Variants in ADAM17 observed in about 807,000 individuals in gnomAD.
The protein encoded by ADAM17 is disintegrin and metalloproteinase domain-containing protein 17.
Under a neutral mutation model 96.7 loss-of-function variants are expected in ADAM17, and 39 were observed. That is an observed-to-expected ratio of 0.40 (90% CI 0.31 to 0.53). The LOEUF (loss-of-function observed/expected upper bound fraction) is 0.53. ADAM17 is among the 20% of genes least tolerant of loss of function. The pLI, the probability that ADAM17 is intolerant of heterozygous loss-of-function variation, is 0.44. For missense variants in ADAM17, 777 were observed against 1,013.2 expected (o/e 0.77, Z 3.17); for synonymous variants, 344 against 359.2 (o/e 0.96, Z 0.48).
chr2:9,535,077 T>C (rs563058425), intron 4 of ADAM17, among the ~76,000 whole-genome samples: 1 of 152,360 alleles, frequency 6.6e-6, no homozygotes, highest in Admixed American at 6.5e-5. Flanking sequence ...AACAGTCATG[T>C]AGATTGGATA....
Position 9,521,257 on chromosome 2 carries a change from T to C in ADAM17, c.903A>G (p.Ala301=), listed in dbSNP as rs371791651. The C allele has an allele frequency of 5.0e-6, 8 of 1,613,108 alleles. No homozygotes were observed. In the African/African-American group the frequency reaches 6.7e-5, roughly 13 times the overall value. The change falls in exon 8 of 19, where the codon GCA becomes GCG. Residue 301 remains alanine, a synonymous_variant. Transcript: ENST00000310823. Reference sequence around the variant, plus strand: ...CCTTTTCTTCATTTGGGTAACTTTTTGCCATGTTGTAGTGCTTTTCACCAG... The same window carrying C: ...CCTTTTCTTCATTTGGGTAACTTTTCGCCATGTTGTAGTGCTTTTCACCAG... ...VKPGEKHYNM[A]KSYPNEEKDA... is the part of the protein sequence containing the mutation.
chr2:9,555,354 T>A (rs1572967780), intron 1 of ADAM17, among the ~76,000 whole-genome samples, 155 bp downstream of exon 1: 1 of 150,794 alleles, frequency 6.6e-6, no homozygotes, highest in Middle Eastern at 3.4e-3. Flanking sequence ...TTCCCCAAAC[T>A]CCGAGAGCCA....
At chr2:9,510,414 C>G in intron 10 of ADAM17, among the ~76,000 whole-genome samples, 1 of 152,094 alleles carries the variant, frequency 6.6e-6, no homozygotes, top group Non-Finnish European at 1.5e-5. Context: ...GCCTGTAATC[C>G]CAGCACTTTG....
intron 10 of ADAM17, among the ~76,000 whole-genome samples, chr2:9,515,538 A>G (rs1022437414): frequency 2.0e-5 from 3 of 152,040 alleles, no homozygotes; most frequent in Non-Finnish European, 4.4e-5. Flanking sequence ...GGAGTTCGAG[A>G]CCAGCCTGGA....
rs181806818 is a variant in ADAM17 at position 9,501,302 on chromosome 2, G to C, written c.1648+871C>G. ...TACTTTATACTCATCATGCTAATAG[G>C]ACAGCAGGGTAATTCCAAGCGTTGG... On this transcript the variant is annotated intron_variant, in intron 13 of 18. Transcript: ENST00000310823. Among the ~76,000 whole-genome samples, 679 of 152,186 alleles carry C rather than the reference G, an allele frequency of 4.5e-3. 5 individuals carry two copies. Among genetic ancestry groups the C allele is most frequent in the African/African-American group, 0.016 (654 of 41,518 alleles).
chr2:9,505,389 G>T (rs1032325349), intron 11 of ADAM17, 24 bp from the exon 12 acceptor site: 5 of 1,586,216 alleles, frequency 3.2e-6, no homozygotes, highest in Non-Finnish European at 3.5e-6. Flanking sequence ...AGGCAATAAG[G>T]ACCCAAAATA....
chr2:9,527,669 G>T, intron 5 of ADAM17, 117 bp downstream of exon 5: 1 of 686,202 alleles, frequency 1.5e-6, no homozygotes, highest in Non-Finnish European at 2.1e-6. Flanking sequence ...TTATTTTCAT[G>T]CCAAATACTA....
intron 10 of ADAM17, among the ~76,000 whole-genome samples, chr2:9,516,005 G>A (rs1306655464): frequency 6.6e-6 from 1 of 152,092 alleles, no homozygotes; most frequent in Admixed American, 6.5e-5. Context: ...CTGGGCTCGA[G>A]CAATCCTCCC....
chr2:9,537,452 G>A (rs757215617), intron 2 of ADAM17, among the ~76,000 whole-genome samples: 3 of 152,144 alleles, frequency 2.0e-5, no homozygotes, highest in Non-Finnish European at 2.9e-5. Flanking sequence ...GTACTCATGC[G>A]GCCGTGCGTA....
intron 2 of ADAM17, among the ~76,000 whole-genome samples, chr2:9,541,640 T>A (rs777423495): frequency 1.1e-4 from 17 of 152,322 alleles, no homozygotes; most frequent in South Asian, 4.1e-4. Context: ...GAAGTCTAAC[T>A]GAGTTAGAAG....
chr2:9,506,652 C>G (rs904365723), intron 11 of ADAM17: 1 of 152,442 alleles, frequency 6.6e-6, no homozygotes. Context: ...GCGTGAGCCA[C>G]CGCGCCCGGC....
At chr2:9,548,686 AGTC>A (rs1395048066) in intron 1 of ADAM17, among the ~76,000 whole-genome samples, 1 of 152,196 alleles carries the variant, frequency 6.6e-6, no homozygotes, top group Non-Finnish European at 1.5e-5. Flanking sequence ...CTTTGCATTA[AGTC>A]ATCATGTCTA....
At chr2:9,531,827 G>A (rs1664751973) in intron 4 of ADAM17, among the ~76,000 whole-genome samples, 1 of 152,180 alleles carries the variant, frequency 6.6e-6, no homozygotes, top group Admixed American at 6.5e-5. Flanking sequence ...GCTGCGCACA[G>A]TGGCTCACAC....
chr2:9,553,791 C>T (rs1036394508), intron 1 of ADAM17, among the ~76,000 whole-genome samples: 4 of 151,320 alleles, frequency 2.6e-5, no homozygotes, highest in African/African-American at 9.7e-5. Context: ...GGGCCAGGAG[C>T]GGTGGTTCAT....
At chr2:9,546,910 T>C (rs1339470232) in intron 1 of ADAM17, among the ~76,000 whole-genome samples, 1 of 152,190 alleles carries the variant, frequency 6.6e-6, no homozygotes, top group African/African-American at 2.4e-5. Flanking sequence ...GGTTTCACTG[T>C]GTTGGCCAGG....
chr2:9,506,478 T>C (rs1358378608), intron 11 of ADAM17, among the ~76,000 whole-genome samples: 1 of 150,914 alleles, frequency 6.6e-6, no homozygotes, highest in Admixed American at 6.6e-5. Flanking sequence ...GTGATTCTTC[T>C]GCCTCAGCCT....
intron 10 of ADAM17, among the ~76,000 whole-genome samples, chr2:9,510,514 AT>A (rs1663677526): frequency 6.6e-6 from 1 of 152,034 alleles, no homozygotes; most frequent in South Asian, 2.1e-4. Context: ...AAATACAAAA[AT>A]TAGCTGGGCA....
chr2:9,530,471 G>A (rs1360725897), intron 4 of ADAM17, among the ~76,000 whole-genome samples: 1 of 152,108 alleles, frequency 6.6e-6, no homozygotes, highest in Non-Finnish European at 1.5e-5. Flanking sequence ...AATAAATCTA[G>A]TTTTATATTA....
intron 2 of ADAM17, among the ~76,000 whole-genome samples, chr2:9,542,105 C>T (rs1046590690): frequency 6.6e-5 from 10 of 152,168 alleles, no homozygotes; most frequent in Non-Finnish European, 1.5e-4. Flanking sequence ...CTGAATAAAG[C>T]TTCCTAAAGA....
Sources: gnomAD v4.1 joint callset for allele counts (sites outside exome capture counted in the v4.1 genomes callset) on GRCh38, gnomAD v4.1.1 for gene constraint, MANE v1.5 for transcripts, NCBI Gene and HGNC (gene_info 2026-07-23, HGNC 2026-07-21) for gene names.